The following CDC42SE2 variants were observed in gnomAD, a reference collection of about 807,000 sequenced individuals.
CDC42SE2 encodes the protein CDC42 small effector 2.
In CDC42SE2, 3 loss-of-function variants were observed where a neutral mutation model predicts 11.5. The ratio of observed to expected loss-of-function variants is 0.26; its 90% CI spans 0.12 to 0.67. The LOEUF (loss-of-function observed/expected upper bound fraction) is 0.67, where lower values mean the gene tolerates loss of function less well. Among genes scored for constraint, CDC42SE2 ranks in the 30% least tolerant of loss-of-function variants. CDC42SE2 has a pLI of 0.80. For missense variants in CDC42SE2, 82 were observed against 106.8 expected (o/e 0.77, Z 1.02); for synonymous variants, 33 against 34.8 (o/e 0.95, Z 0.18).
chr5:131,280,280 A>T (rs938600394), intron 1 of CDC42SE2, among the ~76,000 whole-genome samples: 9 of 152,202 alleles, frequency 5.9e-5, no homozygotes, highest in Admixed American at 3.3e-4. Context: ...CAAGCTAAGG[A>T]AAAAGTTTTA....
At chr5:131,261,555 C>T (rs1025242414), upstream of CDC42SE2, 6 of 152,146 alleles carry the variant, frequency 3.9e-5, no homozygotes, top group African/African-American at 1.4e-4. Flanking sequence ...ACATACTCTA[C>T]AAAAAGTATC....
intron 2 of CDC42SE2, among the ~76,000 whole-genome samples, chr5:131,320,053 A>AG (rs1758129476): frequency 7.8e-6 from 1 of 129,016 alleles, no homozygotes; most frequent in African/African-American, 3.7e-5. Flanking sequence ...TCCGTCTTAA[A>AG]GAAAAAAAAA....
chr5:131,218,712 A>T, the CDC42SE2 span, among the ~76,000 whole-genome samples: 1 of 152,232 alleles, frequency 6.6e-6, no homozygotes, highest in Non-Finnish European at 1.5e-5. Context: ...AAATTGATAT[A>T]TAATGTTATA....
At chr5:131,369,069 C>T (rs1297192686) in intron 3 of CDC42SE2, among the ~76,000 whole-genome samples, 1 of 152,156 alleles carries the variant, frequency 6.6e-6, no homozygotes, top group African/African-American at 2.4e-5. Context: ...GAACTGCTGT[C>T]CTGATTTTTA....
chr5:131,269,133 C>A (rs1408296937), intron 1 of CDC42SE2, among the ~76,000 whole-genome samples: 1 of 152,110 alleles, frequency 6.6e-6, no homozygotes, highest in Non-Finnish European at 1.5e-5. Context: ...TTCTATAATA[C>A]TAACAAATAA....
At chr5:131,338,246 C>G (rs1484499532) in intron 2 of CDC42SE2, among the ~76,000 whole-genome samples, 2 of 152,210 alleles carry the variant, frequency 1.3e-5, no homozygotes, top group African/African-American at 2.4e-5. Context: ...ACATGGCAGT[C>G]CTGTGGTCTG....
the CDC42SE2 span, among the ~76,000 whole-genome samples, chr5:131,210,782 C>T: frequency 1.3e-5 from 2 of 152,182 alleles, no homozygotes; most frequent in African/African-American, 4.8e-5. Context: ...TTATGTTGTG[C>T]ATCAATTCTA....
chr5:131,266,416 G>A (rs1350654194), intron 1 of CDC42SE2, among the ~76,000 whole-genome samples: 4 of 150,132 alleles, frequency 2.7e-5, no homozygotes, highest in African/African-American at 7.3e-5. Flanking sequence ...CATTCAAATA[G>A]AAGTTTCAGA....
At chr5:131,227,907 G>A in the CDC42SE2 span, among the ~76,000 whole-genome samples, 3 of 152,160 alleles carry the variant, frequency 2.0e-5, no homozygotes, top group African/African-American at 7.2e-5. Flanking sequence ...TCATCCGGAG[G>A]CTGGGCGTAC....
At chr5:131,340,352 A>G (rs761617644) in intron 2 of CDC42SE2, among the ~76,000 whole-genome samples, 1 of 152,148 alleles carries the variant, frequency 6.6e-6, no homozygotes, top group South Asian at 2.1e-4. Flanking sequence ...TGTGCAGTGT[A>G]TCTACTCTAT....
intron 1 of CDC42SE2, among the ~76,000 whole-genome samples, chr5:131,252,134 G>A (rs1261328455): frequency 2.7e-5 from 4 of 150,670 alleles, no homozygotes; most frequent in Non-Finnish European, 4.4e-5. Context: ...TATAATTTCA[G>A]GTTCTCACAT....
chr5:131,254,176 C>T (rs1219626213), intron 1 of CDC42SE2, among the ~76,000 whole-genome samples: 2 of 152,124 alleles, frequency 1.3e-5, no homozygotes, highest in African/African-American at 4.8e-5. Context: ...TAATGCTATC[C>T]CTTCCCCAGC....
At chr5:131,337,089 C>T (rs1758584911) in intron 2 of CDC42SE2, among the ~76,000 whole-genome samples, 1 of 152,120 alleles carries the variant, frequency 6.6e-6, no homozygotes, top group South Asian at 2.1e-4. Context: ...TTTTCCGCAT[C>T]TTTGTGGTTT....
intron 2 of CDC42SE2, among the ~76,000 whole-genome samples, chr5:131,336,421 A>C (rs1403589646): frequency 6.6e-6 from 1 of 152,014 alleles, no homozygotes; most frequent in African/African-American, 2.4e-5. Flanking sequence ...CTTCATTTCA[A>C]CTTTGATGAA....
At chr5:131,284,958 T>C (rs561307207) in intron 1 of CDC42SE2, among the ~76,000 whole-genome samples, 1 of 151,996 alleles carries the variant, frequency 6.6e-6, no homozygotes, top group East Asian at 1.9e-4. Context: ...GACTTGAGTC[T>C]AGCCTGGACA....
the CDC42SE2 span, among the ~76,000 whole-genome samples, chr5:131,221,748 C>T: frequency 1.3e-5 from 2 of 152,064 alleles, no homozygotes; most frequent in Admixed American, 1.3e-4. Flanking sequence ...TTTTTCTCCT[C>T]AACAAACGAT....
At chr5:131,293,487 G>A (rs759476446) in intron 1 of CDC42SE2, among the ~76,000 whole-genome samples, 6 of 151,474 alleles carry the variant, frequency 4.0e-5, no homozygotes, top group Non-Finnish European at 7.4e-5. Context: ...CAGGAGAATC[G>A]CTTGAACCCG....
chr5:131,219,956 G>T, the CDC42SE2 span, among the ~76,000 whole-genome samples: 1 of 151,958 alleles, frequency 6.6e-6, no homozygotes, highest in Non-Finnish European at 1.5e-5. Context: ...AACAAAAAAA[G>T]TTGTGGGTTG....
chr5:131,304,767 G>A (rs10045867), intron 1 of CDC42SE2, among the ~76,000 whole-genome samples: 2,904 of 152,152 alleles, frequency 0.019, 44 homozygotes, highest in Middle Eastern at 0.079. Context: ...ATATACTTTT[G>A]GAAGAGCTAT....
Sources: gnomAD v4.1 joint callset for allele counts (sites outside exome capture counted in the v4.1 genomes callset) on GRCh38, gnomAD v4.1.1 for gene constraint, MANE v1.5 for transcripts, NCBI Gene and HGNC (gene_info 2026-07-23, HGNC 2026-07-21) for gene names.